The following CCDC18 variants were observed in gnomAD, a reference collection of about 807,000 sequenced individuals.
CCDC18 encodes coiled-coil domain-containing protein 18.
Under a neutral mutation model 196.0 loss-of-function variants are expected in CCDC18, and 157 were observed. That is an observed-to-expected ratio of 0.80 (90% CI 0.70 to 0.91). The LOEUF (loss-of-function observed/expected upper bound fraction) is 0.91, where lower values mean the gene tolerates loss of function less well. CCDC18 is among the 40% of genes least tolerant of loss of function. The pLI, the probability that CCDC18 is intolerant of heterozygous loss-of-function variation, is 0.00. For synonymous variants in CCDC18, 482 were observed against 529.2 expected (o/e 0.91, Z 1.22); for missense variants, 1,465 against 1,611.6 (o/e 0.91, Z 1.56).
intron 7 of CCDC18, among the ~76,000 whole-genome samples, chr1:93,202,496 G>A (rs1352953575): frequency 6.6e-6 from 1 of 152,112 alleles, no homozygotes; most frequent in Non-Finnish European, 1.5e-5. Flanking sequence ...AATGAAATGT[G>A]TATGGAGGAA....
At chr1:93,238,700 G>T (rs980297880) in intron 19 of CCDC18, among the ~76,000 whole-genome samples, 1 of 152,156 alleles carries the variant, frequency 6.6e-6, no homozygotes, top group Non-Finnish European at 1.5e-5. Context: ...CTGTAGGGGA[G>T]CTGCCGTATT....
chr1:93,185,660 G>C (rs1650532242), intron 3 of CCDC18, among the ~76,000 whole-genome samples: 1 of 151,788 alleles, frequency 6.6e-6, no homozygotes, highest in African/African-American at 2.4e-5. Flanking sequence ...AATTTATATT[G>C]CTTATGTATG....
intron 24 of CCDC18, 48 bp from the exon 25 acceptor site, chr1:93,256,287 T>C (rs781013063): frequency 5.3e-6 from 8 of 1,511,834 alleles, no homozygotes; most frequent in Non-Finnish European, 7.3e-6. Context: ...AGAAATAGGT[T>C]ATCTATATAT....
intron 23 of CCDC18, among the ~76,000 whole-genome samples, chr1:93,248,318 AT>A (rs1343706981): frequency 5.9e-5 from 9 of 151,904 alleles, no homozygotes; most frequent in African/African-American, 2.2e-4. Context: ...CCAGCCTGTT[AT>A]TTTCCTTCTA....
At chr1:93,277,576 CTGAGT>C (rs1362376572) in intron 28 of CCDC18, among the ~76,000 whole-genome samples, 1 of 145,812 alleles carries the variant, frequency 6.9e-6, no homozygotes, top group African/African-American at 2.7e-5. Flanking sequence ...CCATTTAACT[CTGAGT>C]TGACACAGCA....
At position 93,232,516 on chromosome 1, in the gene CCDC18, C is replaced by G. The variant is rs750560410; in HGVS notation, c.2383C>G (p.Gln795Glu). Residue 795 changes from glutamine to glutamate, a missense_variant, in exon 18 of 29, where the codon CAA becomes GAA. Gln to Glu is a conservative substitution (Grantham distance 29). Transcript: ENST00000690025. ...QNVILQHTLQ[Q>E]QQQMLQQETI... Reference sequence around the variant, plus strand: ...CGTTATTCTACAGCATACTCTTCAGCAACAGCAGCAAATGTTACAACAAGA... The same window carrying G: ...CGTTATTCTACAGCATACTCTTCAGGAACAGCAGCAAATGTTACAACAAGA... The G allele has an allele frequency of 6.2e-7, 1 of 1,612,608 alleles. No individual in the cohort carries two copies. Among genetic ancestry groups the G allele is most frequent in the Non-Finnish European group, 8.5e-7 (1 of 1,178,796 alleles).
upstream of CCDC18, chr1:93,180,481 G>A (rs765134324): frequency 5.3e-6 from 8 of 1,515,550 alleles, no homozygotes; most frequent in South Asian, 4.7e-5. Flanking sequence ...GGCCCCCTCA[G>A]GCCAGGCGTG....
Position 93,270,699 on chromosome 1 carries a change from CTGATAGT to C in CCDC18, c.4240_4246del (p.Asp1414LeufsTer13). The stretch of plus-strand genomic sequence containing the variant: ...AAACCTCTCACATATAACCTAGAAG[CTGATAGT>C]TCTGAGAATAATGACTTTAACACGC... On this transcript the variant is annotated frameshift_variant, in exon 28 of 29. Transcript: ENST00000690025. LOFTEE classifies it high-confidence loss of function. The C allele has an allele frequency of 1.3e-6, 2 of 1,550,280 alleles. No individual in the cohort carries two copies. The highest frequency in any genetic ancestry group is 1.7e-6 in the Non-Finnish European group (2 of 1,146,850).
chr1:93,259,478 A>C (rs1355818890), intron 26 of CCDC18, among the ~76,000 whole-genome samples: 1 of 152,176 alleles, frequency 6.6e-6, no homozygotes, highest in Non-Finnish European at 1.5e-5. Flanking sequence ...TCTGTATATG[A>C]TTTAAATAAA....
chr1:93,208,419 C>T (rs1265570726), intron 9 of CCDC18, among the ~76,000 whole-genome samples: 2 of 151,410 alleles, frequency 1.3e-5, no homozygotes, highest in African/African-American at 4.9e-5. Flanking sequence ...GCAACCTCCA[C>T]CTCCCAGGTT....
intron 16 of CCDC18, among the ~76,000 whole-genome samples, chr1:93,224,657 A>G (rs1397978630): frequency 6.6e-6 from 1 of 152,244 alleles, no homozygotes; most frequent in Non-Finnish European, 1.5e-5. Flanking sequence ...TTAAGGGCAT[A>G]CATTTTCATT....
In CCDC18 at chr1:93,207,205, G is replaced by A; in HGVS notation, c.1016G>A (p.Ser339Asn). 6.2e-7 allele frequency: 1 copy of A among 1,612,554 alleles called. No individual in the cohort carries two copies. The highest frequency in any genetic ancestry group is 8.5e-7 in the Non-Finnish European group (1 of 1,178,776). ...VMAQLTESRQ[S>N]ILKLESELEN... ...GCACAACTAACTGAATCTAGACAAA[G>A]TATTTTGAAGCTAGAGAGTGAGTTA... The change falls in exon 9 of 29, where the codon AGT (serine) becomes AAT (asparagine). Residue 339 changes from serine to asparagine, a missense_variant. By Grantham distance (46) the Ser-to-Asn change is conservative. Transcript: ENST00000690025.
At chr1:93,247,424 TTG>T (rs1050558766) in intron 23 of CCDC18, among the ~76,000 whole-genome samples, 28 of 152,268 alleles carry the variant, frequency 1.8e-4, no homozygotes, top group African/African-American at 6.7e-4. Context: ...TTGTTTTTGT[TTG>T]TGTTTTGAGA....
At chr1:93,278,316 T>C (rs958464107) in intron 28 of CCDC18, 147 bp from the exon 29 acceptor site, 12 of 330,292 alleles carry the variant, frequency 3.6e-5, no homozygotes, top group South Asian at 9.1e-5. Context: ...TGGTTCATTA[T>C]TGACTTTTTA....
At chr1:93,250,374 C>T in intron 23 of CCDC18, among the ~76,000 whole-genome samples, 1 of 102,172 alleles carries the variant, frequency 9.8e-6, no homozygotes, top group African/African-American at 5.3e-5. Flanking sequence ...GAGTGAGACC[C>T]TGTCAAAAAA....
intron 2 of CCDC18, 140 bp downstream of exon 2, chr1:93,183,635 T>C: frequency 1.6e-6 from 1 of 615,748 alleles, no homozygotes. Flanking sequence ...AATGTAACTT[T>C]CAGTTTAGGG....
At position 93,193,684 on chromosome 1, in the gene CCDC18, C is replaced by T. The variant is rs755597460; in HGVS notation, c.638C>T (p.Ser213Phe). 5 of 1,587,680 alleles carry T rather than the reference C, an allele frequency of 3.1e-6. No homozygotes were observed. The highest frequency in any genetic ancestry group is 4.3e-6 in the Non-Finnish European group (5 of 1,169,368). ...VIEKEQSLQE[S>F]KEECIKLKVD... ...GAAAAGGAACAGAGTTTGCAGGAGT[C>T]CAAAGAGGAATGTATAAAATTAAAG... The change falls in exon 6 of 29, where the codon TCC (serine) becomes TTC (phenylalanine). Residue 213 changes from serine (S) to phenylalanine (F), a missense_variant. Ser to Phe is a radical substitution (Grantham distance 155). Transcript: ENST00000690025.
intron 14 of CCDC18, among the ~76,000 whole-genome samples, chr1:93,221,330 G>C (rs1206729520): frequency 6.6e-6 from 1 of 152,002 alleles, no homozygotes; most frequent in African/African-American, 2.4e-5. Context: ...TGACTGGCAT[G>C]AGATGGTATC....
intron 12 of CCDC18, among the ~76,000 whole-genome samples, chr1:93,216,404 G>A (rs1201562782): frequency 2.0e-5 from 3 of 152,078 alleles, no homozygotes; most frequent in African/African-American, 4.8e-5. Flanking sequence ...GTGATCCTTT[G>A]TTTTCAGTAT....
Sources: allele counts gnomAD v4.1 joint callset (sites outside exome capture counted in the v4.1 genomes callset), GRCh38; gene constraint gnomAD v4.1.1; transcripts MANE v1.5; gene names NCBI Gene and HGNC (gene_info 2026-07-23, HGNC 2026-07-21).